The following TCF20 variants were observed in gnomAD, a reference collection of about 807,000 sequenced individuals.
TCF20 encodes the protein SPRE-binding protein.
A neutral mutation model predicts 148.6 loss-of-function variants in TCF20; 3 were observed. That is an observed-to-expected ratio of 0.02 (90% CI 0.01 to 0.05). The LOEUF (loss-of-function observed/expected upper bound fraction) is 0.05. TCF20 is among the 10% of genes least tolerant of loss of function. The pLI is 1.00. For synonymous variants in TCF20, 1,049 were observed against 909.5 expected (o/e 1.15, Z -2.76); for missense variants, 2,350 against 2,429.3 (o/e 0.97, Z 0.69).
At chr22:42,289,188 A>G (rs1302995727) in intron 1 of TCF20, among the ~76,000 whole-genome samples, 1 of 152,184 alleles carries the variant, frequency 6.6e-6, no homozygotes, top group Non-Finnish European at 1.5e-5. Context: ...AGAACAGCAG[A>G]TCTTAAAACA....
At position 42,212,694 on chromosome 22, in the gene TCF20, G is replaced by T; in HGVS notation, c.2612C>A (p.Ser871Tyr). The T allele has an allele frequency of 6.2e-7, 1 of 1,614,196 alleles. No homozygotes were observed. The highest frequency in any genetic ancestry group is 8.5e-7 in the Non-Finnish European group (1 of 1,180,040). Residue 871 changes from serine (S) to tyrosine (Y), a missense_variant, in exon 2 of 6, where the codon TCT becomes TAT. Coordinates refer to ENST00000677622, the MANE Select transcript of TCF20 (RefSeq NM_001378418.1). Reference protein sequence around the residue: ...SERRSVICDISPLRQIVRDPG... With the variant: ...SERRSVICDIYPLRQIVRDPG... ...GTCCCTGACAATCTGTCTTAGTGGA[G>T]AAATATCACAGATCACTGATCTTCT...
intron 1 of TCF20, among the ~76,000 whole-genome samples, chr22:42,298,227 T>C (rs992237766): frequency 2.0e-5 from 3 of 152,234 alleles, no homozygotes; most frequent in Admixed American, 1.3e-4. Flanking sequence ...CAGCGACTCA[T>C]CCAAGAACTG....
At chr22:42,256,489 A>T (rs1247890147) in intron 1 of TCF20, among the ~76,000 whole-genome samples, 6 of 144,226 alleles carry the variant, frequency 4.2e-5, no homozygotes, top group Non-Finnish European at 4.5e-5. Context: ...TTTTTTTTTT[A>T]AAGAGACATT....
chr22:42,239,243 G>A (rs1158134595), intron 1 of TCF20, among the ~76,000 whole-genome samples: 5 of 152,066 alleles, frequency 3.3e-5, no homozygotes, highest in African/African-American at 4.8e-5. Flanking sequence ...TTGGGAGGCC[G>A]AAGCGGGTGG....
At chr22:42,272,289 C>T (rs5758690), upstream of TCF20, among the ~76,000 whole-genome samples, 8 of 152,242 alleles carry the variant, frequency 5.3e-5, no homozygotes, top group South Asian at 1.7e-3. Context: ...AAAGGGAAAG[C>T]TGGAAGAGGC....
At chr22:42,224,315 C>CA (rs1922652370) in intron 1 of TCF20, among the ~76,000 whole-genome samples, 1 of 151,614 alleles carries the variant, frequency 6.6e-6, no homozygotes, top group African/African-American at 2.4e-5. Context: ...ACTAAAAATA[C>CA]AAAAAAATTA....
rs1937257384 is a variant in TCF20, at chr22:42,190,178, G to A, written c.5656-10476C>T. Among the ~76,000 whole-genome samples, 3 of 152,174 alleles carry A rather than the reference G, an allele frequency of 2.0e-5. No individual in the cohort carries two copies. In the South Asian group the frequency reaches 6.2e-4, roughly 32 times the overall value. The stretch of plus-strand genomic sequence containing the variant: ...ATCAGGGCAAAATAACCTGAACAGG[G>A]CCAAGTAAGGTGGCCCATGTCTGTT... On this transcript the variant is annotated intron_variant, in intron 2 of 5. Transcript: ENST00000677622.
chr22:42,286,873 C>T (rs1308614313), upstream of TCF20, among the ~76,000 whole-genome samples: 1 of 152,210 alleles, frequency 6.6e-6, no homozygotes, highest in Admixed American at 6.5e-5. Flanking sequence ...CCATCAGTCC[C>T]TTGAACCGTG....
At chr22:42,294,457 G>A (rs1288201093) in intron 1 of TCF20, among the ~76,000 whole-genome samples, 1 of 152,138 alleles carries the variant, frequency 6.6e-6, no homozygotes, top group Non-Finnish European at 1.5e-5. Context: ...AGGCTGCTGG[G>A]GGTCGGCGTG....
chr22:42,223,996 C>T (rs990183247), intron 1 of TCF20, among the ~76,000 whole-genome samples: 3 of 152,100 alleles, frequency 2.0e-5, no homozygotes, highest in Admixed American at 6.5e-5. Flanking sequence ...CTGAAAGCAA[C>T]TCAGAATTCG....
Position 42,338,967 on chromosome 22 carries a change from A to C in TCF20, c.-37+4512T>G, listed in dbSNP as rs1928116599. 6.6e-6 allele frequency among the ~76,000 whole-genome samples: 1 copy of C among 152,122 alleles called. No homozygotes were observed. Among genetic ancestry groups the C allele is most frequent in the Non-Finnish European group, 1.5e-5 (1 of 68,026 alleles). On this transcript the variant is annotated intron_variant, in intron 1 of 1. Coordinates refer to the TCF20 transcript ENST00000515426. This position sits in a 1 kb window ranked among gnomAD's most constrained non-coding sequence, Gnocchi z 4.0. Reference sequence around the variant, plus strand: ...GGAGAGGTCATCTATATCCAGGGAGACAGGGTTGTTCCAGAAGGCATCCAG... The same window carrying C: ...GGAGAGGTCATCTATATCCAGGGAGCCAGGGTTGTTCCAGAAGGCATCCAG...
intron 1 of TCF20, among the ~76,000 whole-genome samples, chr22:42,239,824 T>C (rs1416644271): frequency 6.6e-6 from 1 of 152,118 alleles, no homozygotes; most frequent in Admixed American, 6.6e-5. Flanking sequence ...AATAAAATGT[T>C]TAAAATATTG....
intron 1 of TCF20, among the ~76,000 whole-genome samples, chr22:42,298,580 T>C (rs1927276458): frequency 6.6e-6 from 1 of 152,216 alleles, no homozygotes; most frequent in African/African-American, 2.4e-5. Flanking sequence ...GGCACTTCCC[T>C]GAGCCTGGGC....
upstream of TCF20, among the ~76,000 whole-genome samples, chr22:42,273,594 G>A (rs904919129): frequency 1.3e-5 from 2 of 151,016 alleles, no homozygotes; most frequent in Non-Finnish European, 2.9e-5. Flanking sequence ...CATGGATCCT[G>A]TTTTTCCTAC....
chr22:42,233,175 G>A (rs890417354), intron 1 of TCF20, among the ~76,000 whole-genome samples: 3 of 152,100 alleles, frequency 2.0e-5, no homozygotes, highest in African/African-American at 7.2e-5. Flanking sequence ...ACCTGCCTCG[G>A]CCTCCCAAAG....
At position 42,292,948 on chromosome 22, in the gene TCF20, G is replaced by A. The variant is rs1224925180; in HGVS notation, c.-37+50531C>T. Among the ~76,000 whole-genome samples the A allele has an allele frequency of 2.0e-5, 3 of 151,134 alleles. No homozygotes were observed. Among genetic ancestry groups the A allele is most frequent in the East Asian group, 1.9e-4 (1 of 5,144 alleles). ...CTCTGTCCTGCCCACCAGGAGTGGC[G>A]GGGTTTGAATTTCAGGAGCTGGGCC... On this transcript the variant is annotated intron_variant, in intron 1 of 1. Transcript: ENST00000515426. This position sits in a 1 kb window ranked among gnomAD's most constrained non-coding sequence, Gnocchi z 4.9.
chr22:42,305,721 A>T (rs1370250101), intron 1 of TCF20, among the ~76,000 whole-genome samples: 10 of 152,096 alleles, frequency 6.6e-5, no homozygotes, highest in Non-Finnish European at 1.0e-4. Context: ...CTGGCCTGAC[A>T]GTGGCCCCTG....
chr22:42,320,245 T>A (rs1416581793), intron 1 of TCF20, among the ~76,000 whole-genome samples: 1 of 152,182 alleles, frequency 6.6e-6, no homozygotes, highest in Non-Finnish European at 1.5e-5. Context: ...TCTGCCCACC[T>A]AAAATGCCCT....
intron 1 of TCF20, among the ~76,000 whole-genome samples, chr22:42,314,011 G>A (rs1927584798): frequency 6.6e-6 from 1 of 152,198 alleles, no homozygotes; most frequent in African/African-American, 2.4e-5. Flanking sequence ...TCCCTTCTCA[G>A]TGCAACGGCA....
Sources: gnomAD v4.1 joint callset for allele counts (sites outside exome capture counted in the v4.1 genomes callset) on GRCh38, gnomAD v4.1.1 for gene constraint, Gnocchi (gnomAD v3.1) non-coding constraint, MANE v1.5 for transcripts, NCBI Gene and HGNC (gene_info 2026-07-23, HGNC 2026-07-21) for gene names.